KLHL28: variants seen among roughly 807,000 people sequenced by gnomAD.
The protein encoded by KLHL28 is kelch like family member 28.
In KLHL28, 22 loss-of-function variants were observed where a neutral mutation model predicts 48.3. The observed-to-expected ratio is 0.46, with a 90% CI of 0.33 to 0.65. The LOEUF (loss-of-function observed/expected upper bound fraction) is 0.65, where lower values mean the gene tolerates loss of function less well. KLHL28 is among the 30% of genes least tolerant of loss of function. KLHL28 has a pLI of 0.03. For synonymous variants in KLHL28, 243 were observed against 242.4 expected (o/e 1.00, Z -0.02); for missense variants, 527 against 704.3 (o/e 0.75, Z 2.85).
rs1489388067 is a variant in KLHL28, at chr14:44,940,575, C to G, written c.899+4455G>C. 2.6e-5 allele frequency among the ~76,000 whole-genome samples: 4 copies of G among 152,174 alleles called. No individual in the cohort carries two copies. The East Asian group carries it at 7.7e-4, about 29-fold the overall frequency. The stretch of plus-strand genomic sequence containing the variant: ...TTACCTACCCAATCCCCACTTTCTT[C>G]TCTAGCAGGCCTCCTCTCTTAATTA... On this transcript the variant is annotated intron_variant, in intron 2 of 4. Transcript: ENST00000396128.
chr14:44,943,219 CATA>C (rs1884176572), intron 2 of KLHL28, among the ~76,000 whole-genome samples: 3 of 152,206 alleles, frequency 2.0e-5, no homozygotes, highest in East Asian at 1.9e-4. Flanking sequence ...AAATTTTTGT[CATA>C]ATATTTACTA....
At chr14:44,954,549 C>T (rs1172407638) in intron 1 of KLHL28, among the ~76,000 whole-genome samples, 1 of 152,146 alleles carries the variant, frequency 6.6e-6, no homozygotes, top group African/African-American at 2.4e-5. Flanking sequence ...GAATACTCTG[C>T]AGTGATCTCC....
At chr14:44,940,963 G>T (rs1884047701) in intron 2 of KLHL28, among the ~76,000 whole-genome samples, 1 of 152,086 alleles carries the variant, frequency 6.6e-6, no homozygotes. Flanking sequence ...AGCCGGGTGT[G>T]GTGGCATATG....
intron 2 of KLHL28, among the ~76,000 whole-genome samples, chr14:44,935,906 T>TATATATA (rs1429152138): frequency 4.3e-4 from 6 of 13,940 alleles, no homozygotes; most frequent in Non-Finnish European, 9.9e-4. Context: ...ATATATATCT[T>TATATATA]TACCCTCCCC....
At chr14:44,947,850 C>T (rs1594579839) in intron 1 of KLHL28, among the ~76,000 whole-genome samples, 1 of 152,210 alleles carries the variant, frequency 6.6e-6, no homozygotes, top group African/African-American at 2.4e-5. Context: ...CAAATAATCT[C>T]ACACCTATCT....
intron 2 of KLHL28, among the ~76,000 whole-genome samples, chr14:44,941,251 A>G (rs956597943): frequency 9.9e-5 from 15 of 152,180 alleles, no homozygotes; most frequent in African/African-American, 3.6e-4. Context: ...TTAAAAGAAA[A>G]GTCTTCATTC....
intron 1 of KLHL28, among the ~76,000 whole-genome samples, chr14:44,949,015 GAAAAATA>G (rs1012384196): frequency 3.9e-5 from 6 of 152,114 alleles, no homozygotes; most frequent in African/African-American, 1.4e-4. Context: ...AAATGTATGC[GAAAAATA>G]AGAGAAGGGA....
At chr14:44,932,055 C>T (rs761670849) in intron 3 of KLHL28, among the ~76,000 whole-genome samples, 1 of 150,980 alleles carries the variant, frequency 6.6e-6, no homozygotes, top group Non-Finnish European at 1.5e-5. Context: ...GCAGGTCTCG[C>T]TCTGTCACCT....
At chr14:44,960,804 C>A in intron 1 of KLHL28, 2 of 522,046 alleles carry the variant, frequency 3.8e-6, no homozygotes, top group South Asian at 6.6e-5. Context: ...CTTGCATCAG[C>A]TGGGAGCATT....
Position 44,961,914 on chromosome 14 carries a change from T to G in KLHL28, c.-69A>C, listed in dbSNP as rs947325138. ...GCGGACAACTGGAGCCTGGGCTGGA[T>G]CCTCACTAGCTCCGGTCAAACCCTA... On this transcript the variant is annotated 5_prime_UTR_variant, in exon 1 of 5. Transcript: ENST00000396128. 2 of 153,112 alleles carry G rather than the reference T, an allele frequency of 1.3e-5. No individual in the cohort carries two copies. The highest frequency in any genetic ancestry group is 4.8e-5 in the African/African-American group (2 of 41,434). The allele number at this position is 153,112 out of a possible 1,614,324, so 9.5% of individuals were successfully genotyped here. A position where few individuals can be genotyped will look rare whatever the true frequency, so the allele number is the denominator to read the frequency against.
intron 1 of KLHL28, among the ~76,000 whole-genome samples, chr14:44,961,288 T>G: frequency 6.6e-6 from 1 of 151,996 alleles, no homozygotes; most frequent in African/African-American, 2.4e-5. Flanking sequence ...GCAGGGAGGC[T>G]AGGGCGGCAG....
chr14:44,938,809 G>C (rs1020095904), intron 2 of KLHL28, among the ~76,000 whole-genome samples: 1 of 152,112 alleles, frequency 6.6e-6, no homozygotes, highest in Non-Finnish European at 1.5e-5. Flanking sequence ...AGCCCATACA[G>C]CTCTCACTGG....
intron 2 of KLHL28, among the ~76,000 whole-genome samples, chr14:44,936,560 A>C (rs576655324): frequency 1.3e-5 from 2 of 152,282 alleles, no homozygotes; most frequent in East Asian, 3.9e-4. Flanking sequence ...TTAAGAGAGC[A>C]GAAGGTGTCA....
At chr14:44,938,993 C>T (rs771296283) in intron 2 of KLHL28, among the ~76,000 whole-genome samples, 2 of 152,328 alleles carry the variant, frequency 1.3e-5, no homozygotes, top group African/African-American at 4.8e-5. Context: ...CCTGTGCTAT[C>T]TGCAACACTC....
chr14:44,938,408 A>G (rs1239645328), intron 2 of KLHL28, among the ~76,000 whole-genome samples: 1 of 151,646 alleles, frequency 6.6e-6, no homozygotes, highest in Non-Finnish European at 1.5e-5. Flanking sequence ...GTCTCGCTCT[A>G]TCGCCCAGGC....
At chr14:44,946,177 A>G (rs887249525) in intron 1 of KLHL28, among the ~76,000 whole-genome samples, 2 of 152,192 alleles carry the variant, frequency 1.3e-5, no homozygotes, top group African/African-American at 4.8e-5. Flanking sequence ...GATGCCCCAA[A>G]CCAAAAAAAT....
At chr14:44,938,784 A>G (rs73334135) in intron 2 of KLHL28, among the ~76,000 whole-genome samples, 22,934 of 152,076 alleles carry the variant, frequency 0.15, 3,152 homozygotes, top group African/African-American at 0.37. Flanking sequence ...CTGTCCCCAT[A>G]ACTTTGCTGG....
At chr14:44,930,044 A>G (rs898304691) in intron 4 of KLHL28, among the ~76,000 whole-genome samples, 32 of 152,174 alleles carry the variant, frequency 2.1e-4, no homozygotes, top group African/African-American at 7.2e-4. Context: ...TAAAAATTCT[A>G]CTTTAGATAT....
intron 1 of KLHL28, among the ~76,000 whole-genome samples, chr14:44,953,251 A>C (rs1448442576): frequency 1.3e-5 from 2 of 152,224 alleles, no homozygotes; most frequent in Non-Finnish European, 2.9e-5. Context: ...CCATATGGAA[A>C]CAGGTAAAAC....
Sources: allele counts gnomAD v4.1 joint callset (sites outside exome capture counted in the v4.1 genomes callset), GRCh38; gene constraint gnomAD v4.1.1; transcripts MANE v1.5; gene names NCBI Gene and HGNC (gene_info 2026-07-23, HGNC 2026-07-21).